The following UNC13C variants were observed in gnomAD, a reference collection of about 807,000 sequenced individuals.
UNC13C encodes the protein unc-13 homolog C.
In UNC13C, 174 loss-of-function variants were observed where a neutral mutation model predicts 245.4. The observed-to-expected ratio is 0.71, with a 90% CI of 0.63 to 0.80. The LOEUF is 0.80. UNC13C is among the 30% of genes least tolerant of loss of function. UNC13C has a pLI of 0.00. For missense variants in UNC13C, 2,829 were observed against 2,602.9 expected (o/e 1.09, Z -1.89); for synonymous variants, 992 against 895.1 (o/e 1.11, Z -1.93).
the UNC13C span, among the ~76,000 whole-genome samples, chr15:53,883,265 A>G: frequency 6.6e-6 from 1 of 152,176 alleles, no homozygotes; most frequent in East Asian, 1.9e-4. Flanking sequence ...CTGAATTGCT[A>G]GCTATAACTT....
chr15:54,374,072 A>C (rs1340329224), intron 17 of UNC13C, among the ~76,000 whole-genome samples: 1 of 152,192 alleles, frequency 6.6e-6, no homozygotes, highest in Non-Finnish European at 1.5e-5. Context: ...CTCAGTGGGC[A>C]GCTCCTCTCT....
intron 19 of UNC13C, among the ~76,000 whole-genome samples, chr15:54,418,045 T>TCCCAAGTA (rs1278557843): frequency 6.6e-6 from 1 of 152,084 alleles, no homozygotes; most frequent in African/African-American, 2.4e-5. Context: ...TGCCTCAACG[T>TCCCAAGTA]CCCAAGTAGC....
intron 19 of UNC13C, among the ~76,000 whole-genome samples, chr15:54,427,786 G>A (rs929892228): frequency 6.6e-6 from 1 of 151,698 alleles, no homozygotes; most frequent in Non-Finnish European, 1.5e-5. Flanking sequence ...TATTTGGTCA[G>A]CCTATACCTA....
chr15:54,342,019 C>A (rs910695656), intron 17 of UNC13C, among the ~76,000 whole-genome samples: 1 of 151,650 alleles, frequency 6.6e-6, no homozygotes, highest in Non-Finnish European at 1.5e-5. Context: ...ATTTCCCAAT[C>A]CCATCCTACT....
the UNC13C span, among the ~76,000 whole-genome samples, chr15:53,930,715 T>A: frequency 6.6e-6 from 1 of 152,340 alleles, no homozygotes; most frequent in African/African-American, 2.4e-5. Flanking sequence ...AGAATCATTA[T>A]AATATACAAA....
intron 26 of UNC13C, among the ~76,000 whole-genome samples, chr15:54,541,179 T>C (rs1896226732): frequency 6.6e-6 from 1 of 152,134 alleles, no homozygotes; most frequent in Non-Finnish European, 1.5e-5. Context: ...ACATACACAG[T>C]GTTAGGATAA....
chr15:54,122,316 C>T (rs1040421461), intron 2 of UNC13C, among the ~76,000 whole-genome samples: 1 of 151,806 alleles, frequency 6.6e-6, no homozygotes, highest in African/African-American at 2.4e-5. Flanking sequence ...TCTTAAAATG[C>T]TTGTGCTTTG....
In UNC13C at chr15:54,549,730, G is replaced by A. The variant is rs774496806; in HGVS notation, c.5877+39G>A. The A allele has an allele frequency of 2.2e-6, 3 of 1,379,510 alleles. No homozygotes were observed. The East Asian group carries it at 6.9e-5, about 32-fold the overall frequency. 85.5% of individuals were successfully genotyped at this position (1,379,510 alleles called of 1,614,324 possible). ...GGAAATTACTTATTCATGGAAAGTAGTGAGTTAACTACAGTTCTGCAAGCA... is the reference window on the plus strand; with the variant it reads ...GGAAATTACTTATTCATGGAAAGTAATGAGTTAACTACAGTTCTGCAAGCA... On this transcript the variant is annotated intron_variant, in intron 28 of 32. Transcript: ENST00000260323.
At chr15:54,322,526 T>C (rs1271199011) in intron 14 of UNC13C, among the ~76,000 whole-genome samples, 1 of 151,982 alleles carries the variant, frequency 6.6e-6, no homozygotes, top group Non-Finnish European at 1.5e-5. Context: ...TACTGATGGA[T>C]AGTGGCACAT....
intron 10 of UNC13C, among the ~76,000 whole-genome samples, chr15:54,268,163 T>C (rs2036595824): frequency 6.6e-6 from 1 of 151,952 alleles, no homozygotes; most frequent in Non-Finnish European, 1.5e-5. Flanking sequence ...TATTTTTTTC[T>C]TCTGTATTTC....
intron 14 of UNC13C, among the ~76,000 whole-genome samples, 184 bp downstream of exon 14, chr15:54,322,279 A>G (rs143022559): frequency 6.6e-6 from 1 of 152,156 alleles, no homozygotes; most frequent in Non-Finnish European, 1.5e-5. Flanking sequence ...GACAATCAAT[A>G]AGAATTTTCA....
intron 19 of UNC13C, among the ~76,000 whole-genome samples, chr15:54,444,814 A>G (rs1458223857): frequency 2.0e-5 from 3 of 151,438 alleles, no homozygotes; most frequent in Non-Finnish European, 2.9e-5. Flanking sequence ...TTACTTTTAT[A>G]TATATGTATT....
At chr15:54,090,010 C>T (rs908589612) in intron 2 of UNC13C, among the ~76,000 whole-genome samples, 1 of 152,152 alleles carries the variant, frequency 6.6e-6, no homozygotes, top group South Asian at 2.1e-4. Context: ...GACTCTGGCA[C>T]AAACAGCCTG....
intron 30 of UNC13C, among the ~76,000 whole-genome samples, chr15:54,585,041 C>T (rs556836046): frequency 3.9e-5 from 6 of 152,246 alleles, no homozygotes; most frequent in South Asian, 4.1e-4. Context: ...ATTGGTTATC[C>T]GATATGGGCA....
chr15:54,365,099 A>G (rs2039333801), intron 17 of UNC13C, among the ~76,000 whole-genome samples: 1 of 151,764 alleles, frequency 6.6e-6, no homozygotes, highest in South Asian at 2.1e-4. Flanking sequence ...TCCCCGTCAG[A>G]TCTGCAAAGC....
intron 19 of UNC13C, among the ~76,000 whole-genome samples, chr15:54,465,794 G>T (rs957037808): frequency 1.3e-5 from 2 of 151,954 alleles, no homozygotes; most frequent in African/African-American, 4.8e-5. Context: ...CCAGAACAAA[G>T]ATATCAGGTT....
At chr15:54,521,935 A>G (rs1241839972) in intron 24 of UNC13C, among the ~76,000 whole-genome samples, 1 of 152,180 alleles carries the variant, frequency 6.6e-6, no homozygotes, top group Admixed American at 6.5e-5. Context: ...GATACCCAGG[A>G]TAGAAAAGTA....
intron 17 of UNC13C, among the ~76,000 whole-genome samples, chr15:54,382,600 G>GA (rs202162228): frequency 6.0e-4 from 87 of 145,368 alleles, no homozygotes; most frequent in African/African-American, 1.4e-3. Flanking sequence ...AAACAACAAT[G>GA]AAAAAAAAAA....
chr15:54,183,735 T>C (rs1595963933), intron 4 of UNC13C, among the ~76,000 whole-genome samples: 1 of 148,284 alleles, frequency 6.7e-6, no homozygotes, highest in East Asian at 2.0e-4. Flanking sequence ...GTCTTTGTGC[T>C]AGGCTCAGAC....
Sources: gnomAD v4.1 joint callset for allele counts (sites outside exome capture counted in the v4.1 genomes callset) on GRCh38, gnomAD v4.1.1 for gene constraint, MANE v1.5 for transcripts, NCBI Gene and HGNC (gene_info 2026-07-23, HGNC 2026-07-21) for gene names.